Variants in OSBP observed in about 807,000 individuals in gnomAD.
The protein encoded by OSBP is oxysterol binding protein.
Under a neutral mutation model 96.6 loss-of-function variants are expected in OSBP, and 32 were observed. That is an observed-to-expected ratio of 0.33 (90% CI 0.25 to 0.45). The LOEUF is 0.45. Among genes scored for constraint, OSBP ranks in the 20% least tolerant of loss-of-function variants. OSBP has a pLI of 1.00. For missense variants in OSBP, 653 were observed against 1,029.7 expected (o/e 0.63, Z 5.01); for synonymous variants, 369 against 389.6 (o/e 0.95, Z 0.62).
intron 9 of OSBP, among the ~76,000 whole-genome samples, chr11:59,588,627 C>T (rs1258969394): frequency 6.6e-6 from 1 of 151,918 alleles, no homozygotes; most frequent in Admixed American, 6.6e-5. Context: ...GTGATGGTTG[C>T]ACAACATTAT....
intron 7 of OSBP, among the ~76,000 whole-genome samples, chr11:59,599,457 T>C (rs754429738): frequency 3.9e-5 from 6 of 152,128 alleles, no homozygotes; most frequent in Non-Finnish European, 5.9e-5. Context: ...CCCCATGAAT[T>C]TGTTTCTTTA....
chr11:59,615,597 C>G lies in OSBP; in HGVS notation c.68G>C (p.Gly23Ala). 1 of 1,376,200 alleles carries G rather than the reference C, an allele frequency of 7.3e-7. No homozygotes were observed. The highest frequency in any genetic ancestry group is 9.4e-7 in the Non-Finnish European group (1 of 1,061,796). 85.2% of individuals were successfully genotyped at this position (1,376,200 alleles called of 1,614,324 possible). Residue 23 changes from glycine (G) to alanine (A), a missense_variant, in exon 1 of 14, where the codon GGC becomes GCC. Physicochemically the swap from Gly to Ala is moderately conservative, Grantham distance 60. Around this residue, in one of 6 missense-constraint regions of OSBP, gnomAD observed 151 missense variants for 146.1 expected, o/e 1.03. Coordinates refer to ENST00000263847, the MANE Select transcript of OSBP (RefSeq NM_002556.3). ...TCCCACCACTGGGGGACCGGCGCCGCCGCCGCCAAGTGCTGCAATGGCTGC... is the reference window on the plus strand; with the variant it reads ...TCCCACCACTGGGGGACCGGCGCCGGCGCCGCCAAGTGCTGCAATGGCTGC... ...GPAAIAALGG[G>A]GAGPPVVGGG...
At chr11:59,605,221 T>C (rs997115597) in intron 3 of OSBP, among the ~76,000 whole-genome samples, 3 of 152,088 alleles carry the variant, frequency 2.0e-5, no homozygotes, top group African/African-American at 4.8e-5. Context: ...CTACCAAGCT[T>C]AGTTGGTATG....
rs1386131697 is a variant in OSBP at position 59,575,689 on chromosome 11, C to A, written c.*888G>T. Reference sequence around the variant, plus strand: ...TTTTGCTCCACACTGGGGCACAGACCCAAAATGGTACTGTGCCAGAAGAAG... The same window carrying A: ...TTTTGCTCCACACTGGGGCACAGACACAAAATGGTACTGTGCCAGAAGAAG... On this transcript the variant is annotated 3_prime_UTR_variant, in exon 14 of 14. Coordinates refer to ENST00000263847, the MANE Select transcript of OSBP (RefSeq NM_002556.3). 1 of 152,306 alleles carries A rather than the reference C, an allele frequency of 6.6e-6. No homozygotes were observed. The highest frequency in any genetic ancestry group is 1.5e-5 in the Non-Finnish European group (1 of 68,016). 9.4% of individuals were successfully genotyped at this position (152,306 alleles called of 1,614,324 possible). A position where few individuals can be genotyped will look rare whatever the true frequency, so the allele number is the denominator to read the frequency against.
At chr11:59,596,742 G>A (rs1269299851) in intron 7 of OSBP, among the ~76,000 whole-genome samples, 3 of 152,112 alleles carry the variant, frequency 2.0e-5, no homozygotes, top group African/African-American at 7.2e-5. Flanking sequence ...AGGCAGGGGA[G>A]GCCTCTCCAG....
intron 9 of OSBP, among the ~76,000 whole-genome samples, chr11:59,585,090 G>A (rs1184818128): frequency 2.0e-5 from 3 of 151,600 alleles, no homozygotes; most frequent in Non-Finnish European, 1.5e-5. Context: ...TCTCTGCCTG[G>A]CTGCCCATCG....
intron 9 of OSBP, among the ~76,000 whole-genome samples, chr11:59,584,794 C>A (rs1860473432): frequency 6.6e-6 from 1 of 151,796 alleles, no homozygotes; most frequent in East Asian, 1.9e-4. Context: ...TTAGCCAGGG[C>A]AATCAGGCAA....
intron 9 of OSBP, among the ~76,000 whole-genome samples, chr11:59,587,398 A>C (rs765192321): frequency 1.3e-5 from 2 of 151,978 alleles, no homozygotes; most frequent in Non-Finnish European, 2.9e-5. Context: ...GCTATTCTGG[A>C]GGCTTAGGCA....
Position 59,608,358 on chromosome 11 carries a change from C to T in OSBP, c.822+126G>A. On this transcript the variant is annotated intron_variant, in intron 3 of 13. Transcript: ENST00000263847. ...TGCAGTAAACAATGTAACTTAAAGC[C>T]CTTGACCAGTGAAGCAGGCCCTAAT... 3.6e-6 allele frequency: 4 copies of T among 1,125,628 alleles called. No homozygotes were observed. In the Middle Eastern group the frequency reaches 8.1e-4, roughly 228 times the overall value. 69.7% of individuals were successfully genotyped at this position (1,125,628 alleles called of 1,614,324 possible). A position where few individuals can be genotyped will look rare whatever the true frequency, so the allele number is the denominator to read the frequency against.
chr11:59,615,730 C>T lies in OSBP; in HGVS notation c.-66G>A, dbSNP rs983163119. On this transcript the variant is annotated 5_prime_UTR_variant, in exon 1 of 14. Coordinates refer to ENST00000263847, the MANE Select transcript of OSBP (RefSeq NM_002556.3). The stretch of plus-strand genomic sequence containing the variant: ...CGAGAGCCGCCGTCGCCGCCCGGAG[C>T]GCCCCACACGGCTACCGCATCAGCC... 3.2e-6 allele frequency: 4 copies of T among 1,242,238 alleles called. No individual in the cohort carries two copies. Among genetic ancestry groups the T allele is most frequent in the South Asian group, 5.9e-5 (2 of 33,984 alleles). The allele number at this position is 1,242,238 out of a possible 1,614,324, so 77.0% of individuals were successfully genotyped here.
rs1455351345 is a variant in OSBP at position 59,615,589 on chromosome 11, C to T, written c.76G>A (p.Gly26Ser). Residue 26 changes from glycine to serine, a missense_variant, in exon 1 of 14, where the codon GGT becomes AGT. Physicochemically the swap from Gly to Ser is moderately conservative, Grantham distance 56. Around this residue, in one of 6 missense-constraint regions of OSBP, gnomAD observed 151 missense variants for 146.1 expected, o/e 1.03. Transcript: ENST00000263847. ...AIAALGGGGA[G>S]PPVVGGGGGR... The stretch of plus-strand genomic sequence containing the variant: ...CCGCCTCCTCCCACCACTGGGGGAC[C>T]GGCGCCGCCGCCGCCAAGTGCTGCA... 1.2e-5 allele frequency: 16 copies of T among 1,373,588 alleles called. No individual in the cohort carries two copies. Among genetic ancestry groups the T allele is most frequent in the Non-Finnish European group, 1.5e-5 (16 of 1,059,888 alleles). The allele number at this position is 1,373,588 out of a possible 1,614,324, so 85.1% of individuals were successfully genotyped here.
At chr11:59,590,012 C>T (rs1410716344) in intron 9 of OSBP, among the ~76,000 whole-genome samples, 1 of 152,054 alleles carries the variant, frequency 6.6e-6, no homozygotes, top group African/African-American at 2.4e-5. Flanking sequence ...ATATTTGCTC[C>T]TTAAAATAGC....
intron 1 of OSBP, among the ~76,000 whole-genome samples, chr11:59,610,828 C>A (rs996644938): frequency 4.1e-5 from 6 of 147,852 alleles, no homozygotes; most frequent in African/African-American, 1.3e-4. Flanking sequence ...CTTTGCTGTC[C>A]CTCTTACCAT....
intron 1 of OSBP, among the ~76,000 whole-genome samples, 153 bp from the exon 2 acceptor site, chr11:59,610,742 C>T (rs1860833328): frequency 6.6e-6 from 1 of 151,622 alleles, no homozygotes; most frequent in African/African-American, 2.4e-5. Context: ...CTAAAATTCA[C>T]GAAACAATTA....
At chr11:59,587,060 G>T (rs1860507425) in intron 9 of OSBP, among the ~76,000 whole-genome samples, 1 of 152,052 alleles carries the variant, frequency 6.6e-6, no homozygotes, top group Non-Finnish European at 1.5e-5. Context: ...TGCAATAAAT[G>T]ACAATAGCAA....
intron 9 of OSBP, among the ~76,000 whole-genome samples, chr11:59,589,037 A>G (rs922535473): frequency 6.6e-6 from 1 of 152,148 alleles, no homozygotes; most frequent in African/African-American, 2.4e-5. Context: ...AAATAAAAAA[A>G]TAAGAAACAA....
chr11:59,583,726 C>T lies in OSBP; in HGVS notation c.1679-2172G>A, dbSNP rs565781229. 2.7e-5 allele frequency among the ~76,000 whole-genome samples: 4 copies of T among 149,062 alleles called. No homozygotes were observed. In the East Asian group the frequency reaches 7.9e-4, roughly 29 times the overall value. On this transcript the variant is annotated intron_variant, in intron 9 of 13. Coordinates refer to ENST00000263847, the MANE Select transcript of OSBP (RefSeq NM_002556.3). ...TGGCACGGTCTCGGCTCACTGCAGC[C>T]TCTGCCTCCCGGGTTCAAACAATCC... is the stretch of plus-strand genomic sequence containing the variant.
At chr11:59,594,545 G>A (rs1860624596) in intron 7 of OSBP, among the ~76,000 whole-genome samples, 1 of 152,152 alleles carries the variant, frequency 6.6e-6, no homozygotes, top group Non-Finnish European at 1.5e-5. Context: ...GCCCACAGAA[G>A]ACTATCATCA....
intron 2 of OSBP, 138 bp downstream of exon 2, chr11:59,610,243 A>T: frequency 1.4e-6 from 1 of 738,784 alleles, no homozygotes; most frequent in Non-Finnish European, 2.3e-6. Context: ...CAGCAGAAAT[A>T]CTGCATGAAG....
Sources: gnomAD v4.1 joint callset for allele counts (sites outside exome capture counted in the v4.1 genomes callset) on GRCh38, gnomAD v4.1.1 for gene constraint, gnomAD v4.1.1 regional missense constraint, MANE v1.5 for transcripts, NCBI Gene and HGNC (gene_info 2026-07-23, HGNC 2026-07-21) for gene names.